Variants in EPHA3 observed in about 807,000 individuals in gnomAD.
The protein encoded by EPHA3 is EPH receptor A3.
In EPHA3, 42 loss-of-function variants were observed where a neutral mutation model predicts 107.1. That is an observed-to-expected ratio of 0.39 (90% CI 0.31 to 0.51). The LOEUF is 0.51. Ranked by LOEUF, EPHA3 falls within the 20% of genes least tolerant of loss-of-function variation. The probability of loss-of-function intolerance (pLI) is 0.78; values close to 1 mark genes in which losing one functional copy is unlikely to be tolerated. For synonymous variants in EPHA3, 461 were observed against 424.8 expected (o/e 1.09, Z -1.05); for missense variants, 1,183 against 1,211.2 (o/e 0.98, Z 0.35).
intron 3 of EPHA3, among the ~76,000 whole-genome samples, chr3:89,264,274 T>C (rs1205042197): frequency 2.6e-5 from 4 of 152,114 alleles, no homozygotes; most frequent in African/African-American, 7.2e-5. Context: ...CTCATTCTCA[T>C]AGCGGGAAAC....
At chr3:89,114,956 C>G (rs1305371150) in intron 1 of EPHA3, among the ~76,000 whole-genome samples, 1 of 152,186 alleles carries the variant, frequency 6.6e-6, no homozygotes, top group Non-Finnish European at 1.5e-5. Context: ...TGCCGCCTTT[C>G]GCATTGCTGT....
chr3:89,315,436 T>C (rs1469327472), intron 3 of EPHA3, among the ~76,000 whole-genome samples: 1 of 151,778 alleles, frequency 6.6e-6, no homozygotes, highest in Non-Finnish European at 1.5e-5. Context: ...CCTTCAGGGA[T>C]TAATGAAAGC....
At chr3:89,333,644 C>A (rs994030104) in intron 3 of EPHA3, among the ~76,000 whole-genome samples, 2 of 152,002 alleles carry the variant, frequency 1.3e-5, no homozygotes, top group Non-Finnish European at 2.9e-5. Flanking sequence ...GAGGTTGAGG[C>A]GGGGAGATCA....
intron 2 of EPHA3, among the ~76,000 whole-genome samples, chr3:89,139,345 A>G (rs1177680887): frequency 1.3e-5 from 2 of 151,872 alleles, no homozygotes; most frequent in Non-Finnish European, 2.9e-5. Flanking sequence ...TGTGGGTGAT[A>G]TGAGTCAATT....
intron 2 of EPHA3, among the ~76,000 whole-genome samples, chr3:89,203,335 C>A (rs68180435): frequency 0.038 from 1,665 of 43,468 alleles, 44 homozygotes; most frequent in African/African-American, 0.081. Flanking sequence ...AAAAAAAAAA[C>A]AAAACAAAAC....
chr3:89,250,724 G>A (rs1705142381), intron 3 of EPHA3, among the ~76,000 whole-genome samples: 1 of 152,164 alleles, frequency 6.6e-6, no homozygotes, highest in African/African-American at 2.4e-5. Context: ...CCATTAGCAA[G>A]ATCCTTTTCT....
At chr3:89,407,431 T>G in intron 8 of EPHA3, 60 bp downstream of exon 8, 1 of 1,369,240 alleles carries the variant, frequency 7.3e-7, no homozygotes. Context: ...CTGCCACTGA[T>G]TGCTGTTAAA....
chr3:89,272,483 TTAAA>T (rs1175563220), intron 3 of EPHA3, among the ~76,000 whole-genome samples: 1 of 152,006 alleles, frequency 6.6e-6, no homozygotes, highest in Non-Finnish European at 1.5e-5. Context: ...CTTTGCCTTG[TTAAA>T]GTGTCAAGAA....
chr3:89,272,676 A>T (rs1277044729), intron 3 of EPHA3, among the ~76,000 whole-genome samples: 6 of 151,910 alleles, frequency 3.9e-5, no homozygotes, highest in Non-Finnish European at 7.4e-5. Context: ...CTTCTGTCTG[A>T]CGTGGCTTTG....
intron 14 of EPHA3, among the ~76,000 whole-genome samples, chr3:89,449,921 T>C (rs1166547954): frequency 6.6e-6 from 1 of 152,220 alleles, no homozygotes; most frequent in Non-Finnish European, 1.5e-5. Context: ...CATTTCTTTT[T>C]ATTTTAACCC....
chr3:89,160,326 G>C (rs1704902368), intron 2 of EPHA3, among the ~76,000 whole-genome samples: 1 of 152,004 alleles, frequency 6.6e-6, no homozygotes, highest in Non-Finnish European at 1.5e-5. Flanking sequence ...AAGCAGTGTA[G>C]CATATCTTGT....
chr3:89,127,547 G>A (rs76528626), intron 2 of EPHA3, among the ~76,000 whole-genome samples: 2,783 of 152,012 alleles, frequency 0.018, 83 homozygotes, highest in African/African-American at 0.062. Flanking sequence ...AATGATCTAA[G>A]AGTGACTTTT....
chr3:89,410,359 C>A (rs550279636), intron 9 of EPHA3, among the ~76,000 whole-genome samples: 5 of 151,816 alleles, frequency 3.3e-5, no homozygotes, highest in Non-Finnish European at 7.4e-5. Flanking sequence ...AAGGGTAAAT[C>A]TAAATCACAC....
intron 2 of EPHA3, among the ~76,000 whole-genome samples, chr3:89,174,044 C>T (rs937575325): frequency 2.0e-5 from 3 of 151,804 alleles, no homozygotes; most frequent in Non-Finnish European, 2.9e-5. Flanking sequence ...AAAAATTACT[C>T]GGCTTTTACA....
intron 5 of EPHA3, among the ~76,000 whole-genome samples, chr3:89,380,228 T>C (rs1460785186): frequency 6.6e-6 from 1 of 152,194 alleles, no homozygotes; most frequent in Non-Finnish European, 1.5e-5. Context: ...GGTGACTCAC[T>C]CAGGCATGTG....
intron 3 of EPHA3, among the ~76,000 whole-genome samples, chr3:89,260,901 T>C (rs1705399436): frequency 6.6e-6 from 1 of 152,224 alleles, no homozygotes; most frequent in African/African-American, 2.4e-5. Context: ...CTCCACAGCA[T>C]TTCCACTGAA....
chr3:89,418,667 C>G (rs1329231301), intron 10 of EPHA3, among the ~76,000 whole-genome samples: 10 of 151,348 alleles, frequency 6.6e-5, no homozygotes, highest in African/African-American at 2.2e-4. Context: ...AGCCCAGAGA[C>G]TTTTATAGCT....
At chr3:89,321,289 G>C (rs1274239160) in intron 3 of EPHA3, among the ~76,000 whole-genome samples, 1 of 151,980 alleles carries the variant, frequency 6.6e-6, no homozygotes, top group East Asian at 1.9e-4. Flanking sequence ...CTTAATGTAA[G>C]ACACTAGCCA....
At chr3:89,345,556 C>A (rs573500960) in intron 5 of EPHA3, among the ~76,000 whole-genome samples, 3 of 150,796 alleles carry the variant, frequency 2.0e-5, no homozygotes, top group African/African-American at 7.3e-5. Flanking sequence ...ATTTCTGAAC[C>A]ACTTGCAGAT....
Sources: allele counts gnomAD v4.1 joint callset (sites outside exome capture counted in the v4.1 genomes callset), GRCh38; gene constraint gnomAD v4.1.1; transcripts MANE v1.5; gene names NCBI Gene and HGNC (gene_info 2026-07-23, HGNC 2026-07-21).